Variants in ATP8A2 observed in about 807,000 individuals in gnomAD.
ATP8A2 encodes the protein phospholipid-transporting ATPase IB.
A neutral mutation model predicts 165.6 loss-of-function variants in ATP8A2; 100 were observed. That is an observed-to-expected ratio of 0.60 (90% CI 0.51 to 0.71). The LOEUF is 0.71. Ranked by LOEUF, ATP8A2 falls within the 30% of genes least tolerant of loss-of-function variation. The probability of loss-of-function intolerance (pLI) is 0.00; values close to 1 mark genes in which losing one functional copy is unlikely to be tolerated. For missense variants in ATP8A2, 1,227 were observed against 1,479.5 expected, an observed-to-expected ratio of 0.83 and a Z score of 2.80; for synonymous variants, 543 against 548.8, an observed-to-expected ratio of 0.99 and a Z score of 0.15.
intron 1 of ATP8A2, among the ~76,000 whole-genome samples, chr13:25,430,633 C>T (rs1043033596): frequency 6.6e-6 from 1 of 152,144 alleles, no homozygotes; most frequent in African/African-American, 2.4e-5. Flanking sequence ...GACATAGTCT[C>T]GCTCTGTTGC....
chr13:25,520,513 T>A (rs2037628278), intron 2 of ATP8A2, among the ~76,000 whole-genome samples: 2 of 152,224 alleles, frequency 1.3e-5, no homozygotes, highest in South Asian at 4.1e-4. Flanking sequence ...CAGATATCTC[T>A]TTGACATATT....
rs1317437117 is a variant in ATP8A2, at chr13:25,750,292, A to T, written c.2385-18754A>T. Among the ~76,000 whole-genome samples, 1 of 152,092 alleles carries T rather than the reference A, an allele frequency of 6.6e-6. No individual in the cohort carries two copies. Among genetic ancestry groups the T allele is most frequent in the East Asian group, 1.9e-4 (1 of 5,186 alleles). On this transcript the variant is annotated intron_variant, in intron 25 of 36. Transcript: ENST00000381655. This position sits in a 1 kb window ranked among gnomAD's most constrained non-coding sequence, Gnocchi z 4.3. ...GAGTAGTCGCTAGAGTTTTCAGGAG[A>T]CCAAATAAAATAGTACACATCTGTG...
At chr13:25,885,454 C>T (rs1566236651) in intron 33 of ATP8A2, among the ~76,000 whole-genome samples, 2 of 152,058 alleles carry the variant, frequency 1.3e-5, no homozygotes, top group African/African-American at 2.4e-5. Context: ...CTGACCCTGG[C>T]CCTCTCTCCT....
chr13:25,687,813 G>T (rs1162793705), intron 24 of ATP8A2, among the ~76,000 whole-genome samples: 1 of 152,208 alleles, frequency 6.6e-6, no homozygotes, highest in Admixed American at 6.5e-5. Context: ...CACAGGCAGA[G>T]GTTAGGCTCC....
chr13:25,487,257 C>A (rs1240487261), intron 2 of ATP8A2, among the ~76,000 whole-genome samples: 1 of 152,078 alleles, frequency 6.6e-6, no homozygotes, highest in Admixed American at 6.6e-5. Flanking sequence ...CCTCTCATTT[C>A]CTGTTTTGTG....
At chr13:25,947,785 C>A (rs1387674570) in intron 33 of ATP8A2, among the ~76,000 whole-genome samples, 1 of 152,160 alleles carries the variant, frequency 6.6e-6, no homozygotes, top group Non-Finnish European at 1.5e-5. Flanking sequence ...GCTACGTGGA[C>A]AACACTTTTC....
chr13:25,739,836 A>G (rs1354660691), intron 25 of ATP8A2, among the ~76,000 whole-genome samples: 1 of 152,216 alleles, frequency 6.6e-6, no homozygotes, highest in Non-Finnish European at 1.5e-5. Context: ...AAAATGAGAT[A>G]CAGCTTGGAA....
In ATP8A2 at chr13:25,424,657, C is replaced by T. The variant is rs540417618; in HGVS notation, c.77-44320C>T. On this transcript the variant is annotated intron_variant, in intron 1 of 36. Coordinates refer to ENST00000381655, the MANE Select transcript of ATP8A2 (RefSeq NM_016529.6). ...TTTTTGGAAACAAGTTCACTTAAAC[C>T]GTTCAATAAAGATGGCTTGGCCAGG... Among the ~76,000 whole-genome samples the T allele has an allele frequency of 2.3e-3, 347 of 152,240 alleles. 1 individual carries two copies. The highest frequency in any genetic ancestry group is 7.0e-3 in the African/African-American group (290 of 41,554).
At chr13:25,932,424 T>G (rs539509615) in intron 33 of ATP8A2, among the ~76,000 whole-genome samples, 48 of 152,186 alleles carry the variant, frequency 3.2e-4, no homozygotes, top group African/African-American at 1.1e-3. Flanking sequence ...CAAAGGAAAA[T>G]AAACAGGAAA....
At chr13:25,809,753 T>C (rs890744347) in intron 27 of ATP8A2, among the ~76,000 whole-genome samples, 6 of 152,140 alleles carry the variant, frequency 3.9e-5, no homozygotes, top group Non-Finnish European at 5.9e-5. Flanking sequence ...CACTGGTCCA[T>C]AGGTGCCTTG....
intron 27 of ATP8A2, among the ~76,000 whole-genome samples, chr13:25,779,295 C>T (rs74867721): frequency 0.027 from 4,001 of 150,000 alleles, 171 homozygotes; most frequent in African/African-American, 0.093. Flanking sequence ...GTTTCATGGT[C>T]GTGGCCAGAT....
intron 24 of ATP8A2, among the ~76,000 whole-genome samples, chr13:25,677,836 G>A (rs2042402767): frequency 6.6e-6 from 1 of 152,140 alleles, no homozygotes; most frequent in Non-Finnish European, 1.5e-5. Context: ...ATGGGAACAG[G>A]GGTGTTAGTG....
intron 33 of ATP8A2, among the ~76,000 whole-genome samples, chr13:25,921,693 T>C (rs1469759515): frequency 6.6e-6 from 1 of 152,150 alleles, no homozygotes; most frequent in Non-Finnish European, 1.5e-5. Context: ...TATTTACTTG[T>C]GAAATCTTGT....
intron 24 of ATP8A2, among the ~76,000 whole-genome samples, chr13:25,655,412 G>A (rs2137654986): frequency 6.6e-6 from 1 of 152,266 alleles, no homozygotes; most frequent in Admixed American, 6.5e-5. Flanking sequence ...ACCCACCTCG[G>A]CCTCCCAAAG....
intron 33 of ATP8A2, among the ~76,000 whole-genome samples, chr13:25,874,548 G>A (rs1480679912): frequency 6.6e-6 from 1 of 152,162 alleles, no homozygotes; most frequent in Non-Finnish European, 1.5e-5. Context: ...AGAAACACAA[G>A]AACAGAAAAC....
chr13:25,660,749 G>A (rs1157542807), intron 24 of ATP8A2, among the ~76,000 whole-genome samples: 1 of 152,128 alleles, frequency 6.6e-6, no homozygotes, highest in Non-Finnish European at 1.5e-5. Flanking sequence ...TTTAAGAGCA[G>A]GGGCTGTCAC....
intron 2 of ATP8A2, among the ~76,000 whole-genome samples, chr13:25,519,438 A>C (rs948190154): frequency 1.3e-5 from 2 of 151,396 alleles, no homozygotes; most frequent in Non-Finnish European, 2.9e-5. Context: ...GTTTTTGACC[A>C]CTTGGTTCCC....
At chr13:25,897,433 C>T (rs1953592313) in intron 33 of ATP8A2, among the ~76,000 whole-genome samples, 1 of 152,052 alleles carries the variant, frequency 6.6e-6, no homozygotes, top group Non-Finnish European at 1.5e-5. Flanking sequence ...CCTTTGTGGG[C>T]AACCCGACCT....
chr13:25,725,179 G>T (rs1172460334), intron 25 of ATP8A2, among the ~76,000 whole-genome samples: 1 of 152,172 alleles, frequency 6.6e-6, no homozygotes, highest in Non-Finnish European at 1.5e-5. Flanking sequence ...GAAAGCACAG[G>T]ATCAAAAAGA....
Sources: gnomAD v4.1 joint callset for allele counts (sites outside exome capture counted in the v4.1 genomes callset) on GRCh38, gnomAD v4.1.1 for gene constraint, Gnocchi (gnomAD v3.1) non-coding constraint, MANE v1.5 for transcripts, NCBI Gene and HGNC (gene_info 2026-07-23, HGNC 2026-07-21) for gene names.